PNPLA7: variants seen among roughly 807,000 people sequenced by gnomAD.
PNPLA7 encodes patatin like domain 7, lysophospholipase.
Under a neutral mutation model 161.7 loss-of-function variants are expected in PNPLA7, and 153 were observed. The ratio of observed to expected loss-of-function variants is 0.95; its 90% CI spans 0.83 to 1.08. The LOEUF (loss-of-function observed/expected upper bound fraction) is 1.08. Ranked by LOEUF, PNPLA7 falls within the 50% of genes least tolerant of loss-of-function variation. PNPLA7 has a pLI of 0.00. For synonymous variants in PNPLA7, 809 were observed against 782.1 expected, an observed-to-expected ratio of 1.03 and a Z score of -0.57; for missense variants, 1,739 against 1,856.6, an observed-to-expected ratio of 0.94 and a Z score of 1.16.
Position 137,468,595 on chromosome 9 carries a change from G to C in PNPLA7, c.2883-1122C>G, listed in dbSNP as rs1330654193. Among the ~76,000 whole-genome samples, 2 of 152,076 alleles carry C rather than the reference G, an allele frequency of 1.3e-5. No homozygotes were observed. Among genetic ancestry groups the C allele is most frequent in the Non-Finnish European group, 2.9e-5 (2 of 68,010 alleles). Reference sequence around the variant, plus strand: ...TCTGTCCCCACCGAAATCTCATGTTGAATTTTAATCCTCAGTGTTGGAGGA... The same window carrying C: ...TCTGTCCCCACCGAAATCTCATGTTCAATTTTAATCCTCAGTGTTGGAGGA... On this transcript the variant is annotated intron_variant, in intron 25 of 34. Transcript: ENST00000406427. The surrounding 1 kb of genome is among the most constrained non-coding windows in gnomAD (Gnocchi z 4.0).
chr9:137,472,650 CAAAA>C (rs71387839), intron 25 of PNPLA7, among the ~76,000 whole-genome samples: 1 of 82,334 alleles, frequency 1.2e-5, no homozygotes. Flanking sequence ...GACTCCATCT[CAAAA>C]AAAAAAAAAA....
At chr9:137,529,588 C>T in intron 8 of PNPLA7, among the ~76,000 whole-genome samples, 1 of 151,386 alleles carries the variant, frequency 6.6e-6, no homozygotes, top group East Asian at 1.9e-4. Flanking sequence ...GGTTCTGATG[C>T]TTTGCTCTGC....
In PNPLA7 at chr9:137,540,367, T is replaced by C. The variant is rs1836128226; in HGVS notation, c.747+275A>G. Among the ~76,000 whole-genome samples the C allele has an allele frequency of 1.3e-5, 2 of 152,206 alleles. No individual in the cohort carries two copies. Among genetic ancestry groups the C allele is most frequent in the Admixed American group, 1.3e-4 (2 of 15,274 alleles). On this transcript the variant is annotated intron_variant, in intron 8 of 34. Transcript: ENST00000406427. The surrounding 1 kb of genome is among the most constrained non-coding windows in gnomAD (Gnocchi z 5.1). Reference sequence around the variant, plus strand: ...TCTACAACACTTTGTGCCTTTTGAATGCTGAACCACATGCATTTATGACCC... The same window carrying C: ...TCTACAACACTTTGTGCCTTTTGAACGCTGAACCACATGCATTTATGACCC...
chr9:137,497,942 G>A (rs555968921), intron 17 of PNPLA7, among the ~76,000 whole-genome samples, 172 bp downstream of exon 17: 4 of 152,372 alleles, frequency 2.6e-5, no homozygotes, highest in East Asian at 1.9e-4. Context: ...AGGAGGCCAC[G>A]AAGTGTGTTT....
At chr9:137,498,572 A>G (rs1833197159) in intron 16 of PNPLA7, among the ~76,000 whole-genome samples, 1 of 152,208 alleles carries the variant, frequency 6.6e-6, no homozygotes, top group South Asian at 2.1e-4. Flanking sequence ...GAGCTGCATA[A>G]TGCACACTCG....
At position 137,499,502 on chromosome 9, in the gene PNPLA7, G is replaced by A. The variant is rs1413426088; in HGVS notation, c.1757+1189C>T. On this transcript the variant is annotated intron_variant, in intron 16 of 34. Coordinates refer to ENST00000406427, the MANE Select transcript of PNPLA7 (RefSeq NM_001098537.3). This position sits in a 1 kb window ranked among gnomAD's most constrained non-coding sequence, Gnocchi z 5.5. Reference sequence around the variant, plus strand: ...TGGAGCAGCTGGGGATGCTCAGGAGGGAGATGGGTCCAGCTCCACCCAGGG... The same window carrying A: ...TGGAGCAGCTGGGGATGCTCAGGAGAGAGATGGGTCCAGCTCCACCCAGGG... Among the ~76,000 whole-genome samples the A allele has an allele frequency of 6.6e-6, 1 of 152,216 alleles. No homozygotes were observed. Among genetic ancestry groups the A allele is most frequent in the African/African-American group, 2.4e-5 (1 of 41,450 alleles).
chr9:137,540,776 G>T lies in PNPLA7; in HGVS notation c.667-54C>A. The T allele has an allele frequency of 6.6e-7, 1 of 1,518,818 alleles. No individual in the cohort carries two copies. The highest frequency in any genetic ancestry group is 9.0e-7 in the Non-Finnish European group (1 of 1,116,492). The allele number at this position is 1,518,818 out of a possible 1,614,324, so 94.1% of individuals were successfully genotyped here. On this transcript the variant is annotated intron_variant, in intron 7 of 34. Transcript: ENST00000406427. This position sits in a 1 kb window ranked among gnomAD's most constrained non-coding sequence, Gnocchi z 5.1. ...TCAGGTCTGGGGCTGCGACCGCGGG[G>T]CCTGGCGGAGGCTCAGCCCAGCCCA...
intron 20 of PNPLA7, among the ~76,000 whole-genome samples, chr9:137,485,791 C>T (rs1832450044): frequency 6.6e-6 from 1 of 152,232 alleles, no homozygotes; most frequent in Non-Finnish European, 1.5e-5. Context: ...GGGGCCCGCC[C>T]AGACAGGCAG....
Position 137,523,767 on chromosome 9 carries a change from C to G in PNPLA7, c.748-910G>C, listed in dbSNP as rs1835158528. Among the ~76,000 whole-genome samples, 1 of 152,140 alleles carries G rather than the reference C, an allele frequency of 6.6e-6. No individual in the cohort carries two copies. The highest frequency in any genetic ancestry group is 6.5e-5 in the Admixed American group (1 of 15,278). The stretch of plus-strand genomic sequence containing the variant: ...TCAGCCTCCACAGTAGCTGGGGCTA[C>G]AAGCGCCCGCCACCACGCCCGGCTA... On this transcript the variant is annotated intron_variant, in intron 8 of 34. Coordinates refer to ENST00000406427, the MANE Select transcript of PNPLA7 (RefSeq NM_001098537.3). This position sits in a 1 kb window ranked among gnomAD's most constrained non-coding sequence, Gnocchi z 4.4.
intron 18 of PNPLA7, among the ~76,000 whole-genome samples, chr9:137,496,979 G>T (rs772051330): frequency 6.6e-6 from 1 of 152,236 alleles, no homozygotes; most frequent in Non-Finnish European, 1.5e-5. Context: ...CAGAGCCTGG[G>T]GATCACAGCA....
rs768354807 is a variant in PNPLA7 at position 137,464,175 on chromosome 9, G to A, written c.3177C>T (p.Phe1059=). 30 of 1,613,698 alleles carry A rather than the reference G, an allele frequency of 1.9e-5. No homozygotes were observed. The highest frequency in any genetic ancestry group is 9.9e-5 in the South Asian group (9 of 91,046). The change falls in exon 28 of 35, where the codon TTC becomes TTT. Residue 1059 remains phenylalanine (F), a synonymous_variant. Coordinates refer to ENST00000406427, the MANE Select transcript of PNPLA7 (RefSeq NM_001098537.3). ...QQIEDLWIPY[F]AITTDITASA... The stretch of plus-strand genomic sequence containing the variant: ...AGGCTGTGATGTCGGTGGTGATGGC[G>A]AAATAAGGAATCCACAGGTCCTGCG...
chr9:137,485,374 AG>A (rs1564298501), intron 20 of PNPLA7, among the ~76,000 whole-genome samples: 1 of 142,532 alleles, frequency 7.0e-6, no homozygotes, highest in Non-Finnish European at 1.5e-5. Flanking sequence ...GCTGCAGGTG[AG>A]GCCTCATCGG....
At chr9:137,546,252 A>G (rs1198153122) in intron 4 of PNPLA7, among the ~76,000 whole-genome samples, 2 of 152,066 alleles carry the variant, frequency 1.3e-5, no homozygotes, top group Non-Finnish European at 2.9e-5. Flanking sequence ...TGTCAAGCAG[A>G]CACGTGAACC....
At chr9:137,484,105 T>G (rs1832351537) in intron 21 of PNPLA7, among the ~76,000 whole-genome samples, 1 of 151,908 alleles carries the variant, frequency 6.6e-6, no homozygotes, top group Admixed American at 6.6e-5. Flanking sequence ...CCAGCTAATT[T>G]TCGTATTTCT....
In PNPLA7 at chr9:137,524,350, C is replaced by G. The variant is rs1490068552; in HGVS notation, c.748-1493G>C. On this transcript the variant is annotated intron_variant, in intron 8 of 34. Transcript: ENST00000406427. This position sits in a 1 kb window ranked among gnomAD's most constrained non-coding sequence, Gnocchi z 4.4. The stretch of plus-strand genomic sequence containing the variant: ...GTCCATTCAGCAGTCGAGATTCCCC[C>G]ACGGTGGCGCGTCTGCCAGAGGCCT... 6.6e-6 allele frequency among the ~76,000 whole-genome samples: 1 copy of G among 150,612 alleles called. No homozygotes were observed. The highest frequency in any genetic ancestry group is 2.4e-5 in the African/African-American group (1 of 40,882).
intron 12 of PNPLA7, 102 bp from the exon 13 acceptor site, chr9:137,506,185 C>T (rs578082122): frequency 1.8e-4 from 164 of 918,268 alleles, no homozygotes; most frequent in African/African-American, 1.5e-3. Flanking sequence ...ACACAGACCC[C>T]GGCAGCTCCC....
chr9:137,514,330 G>A (rs575205002), intron 12 of PNPLA7, among the ~76,000 whole-genome samples: 2 of 143,606 alleles, frequency 1.4e-5, no homozygotes, highest in Non-Finnish European at 3.0e-5. Flanking sequence ...TGAGGTGCCC[G>A]GGCCCCGTGG....
intron 13 of PNPLA7, 75 bp downstream of exon 13, chr9:137,505,908 C>T (rs1432767756): frequency 1.8e-5 from 27 of 1,527,374 alleles, no homozygotes; most frequent in South Asian, 9.5e-5. Flanking sequence ...AAGCCGGCGG[C>T]GCCCCCAATG....
intron 12 of PNPLA7, among the ~76,000 whole-genome samples, chr9:137,506,815 G>A (rs1393239644): frequency 6.6e-6 from 1 of 152,386 alleles, no homozygotes; most frequent in African/African-American, 2.4e-5. Context: ...TTGCACGACG[G>A]GGTCACGCAC....
Sources: gnomAD v4.1 joint callset for allele counts (sites outside exome capture counted in the v4.1 genomes callset) on GRCh38, gnomAD v4.1.1 for gene constraint, Gnocchi (gnomAD v3.1) non-coding constraint, MANE v1.5 for transcripts, NCBI Gene and HGNC (gene_info 2026-07-23, HGNC 2026-07-21) for gene names.